NME7: variants seen among roughly 807,000 people sequenced by gnomAD.
The protein encoded by NME7 is NME/NM23 family member 7.
A neutral mutation model predicts 49.1 loss-of-function variants in NME7; 41 were observed. The ratio of observed to expected loss-of-function variants is 0.83; its 90% CI spans 0.65 to 1.08. The LOEUF (loss-of-function observed/expected upper bound fraction) is 1.08. NME7 is among the 50% of genes least tolerant of loss of function. The pLI is 0.00. For synonymous variants in NME7, 139 were observed against 150.6 expected, an observed-to-expected ratio of 0.92 and a Z score of 0.56; for missense variants, 423 against 463.4, an observed-to-expected ratio of 0.91 and a Z score of 0.80.
At chr1:169,168,189 T>C (rs758652276) in intron 11 of NME7, among the ~76,000 whole-genome samples, 2 of 152,180 alleles carry the variant, frequency 1.3e-5, no homozygotes, top group Non-Finnish European at 2.9e-5. Context: ...AGCCATACAC[T>C]TGTCTTTCAA....
intron 6 of NME7, among the ~76,000 whole-genome samples, chr1:169,289,480 A>G (rs1650409819): frequency 6.6e-6 from 1 of 152,128 alleles, no homozygotes; most frequent in Non-Finnish European, 1.5e-5. Flanking sequence ...AGCTTAAGTA[A>G]CAAGCCCTTA....
intron 11 of NME7, among the ~76,000 whole-genome samples, chr1:169,156,704 G>T (rs1380200189): frequency 6.6e-6 from 1 of 152,190 alleles, no homozygotes; most frequent in African/African-American, 2.4e-5. Flanking sequence ...GAAACAGAAA[G>T]ACCTATGAAC....
intron 10 of NME7, among the ~76,000 whole-genome samples, chr1:169,199,016 C>T (rs769931188): frequency 6.6e-6 from 1 of 151,984 alleles, no homozygotes; most frequent in Non-Finnish European, 1.5e-5. Context: ...ACTTGTATTT[C>T]GATTTCATAA....
chr1:169,342,506 CATATATATATAGTAT>C (rs1247593222), intron 1 of NME7, among the ~76,000 whole-genome samples: 1 of 103,638 alleles, frequency 9.6e-6, no homozygotes, highest in African/African-American at 3.2e-5. Context: ...TATACAAGTA[CATATATATATAGTAT>C]ATATATACAA....
intron 4 of NME7, among the ~76,000 whole-genome samples, chr1:169,305,099 C>T (rs1354746597): frequency 3.9e-5 from 6 of 152,190 alleles, no homozygotes; most frequent in Admixed American, 6.6e-5. Context: ...TCCAACATGT[C>T]CCTGATTCCA....
chr1:169,135,629 A>AGTC (rs1337969145), intron 11 of NME7, among the ~76,000 whole-genome samples: 5 of 152,074 alleles, frequency 3.3e-5, no homozygotes, highest in Non-Finnish European at 7.4e-5. Context: ...TGTTATCTGT[A>AGTC]GTCCCCTGGG....
At chr1:169,209,096 A>G (rs1441212396) in intron 10 of NME7, among the ~76,000 whole-genome samples, 4 of 148,774 alleles carry the variant, frequency 2.7e-5, no homozygotes, top group Non-Finnish European at 4.4e-5. Context: ...AAAAATCTAC[A>G]AAATTAAAAT....
intron 10 of NME7, among the ~76,000 whole-genome samples, chr1:169,219,926 A>T (rs1289487108): frequency 2.0e-5 from 3 of 152,242 alleles, no homozygotes; most frequent in Non-Finnish European, 4.4e-5. Context: ...TTATATGATG[A>T]AGAAGCTACA....
At chr1:169,309,505 G>A (rs1651301001) in intron 4 of NME7, among the ~76,000 whole-genome samples, 1 of 152,128 alleles carries the variant, frequency 6.6e-6, no homozygotes. Context: ...AAAAAGGAAA[G>A]CAGCACTGCG....
chr1:169,287,163 C>A, intron 7 of NME7, 140 bp downstream of exon 7: 1 of 676,594 alleles, frequency 1.5e-6, no homozygotes, highest in Non-Finnish European at 2.6e-6. Flanking sequence ...TATATTTTGT[C>A]ACCTTTACTC....
At position 169,355,030 on chromosome 1, in the gene NME7, T is replaced by C. The variant is rs1423415257; in HGVS notation, c.3+12678A>G. On this transcript the variant is annotated intron_variant, in intron 1 of 11. Transcript: ENST00000367811. ...TGTTTATATATAATATAATTATATA[T>C]TATATATTATAGATATAATATATAA... is the stretch of plus-strand genomic sequence containing the variant. Among the ~76,000 whole-genome samples, 38 of 75,782 alleles carry C rather than the reference T, an allele frequency of 5.0e-4. 2 individuals carry two copies. The highest frequency in any genetic ancestry group is 9.5e-4 in the East Asian group (2 of 2,112). The allele number at this position is 75,782 out of a possible 152,430, so 49.7% of individuals were successfully genotyped here.
intron 7 of NME7, among the ~76,000 whole-genome samples, chr1:169,247,327 T>C (rs1648366016): frequency 6.6e-6 from 1 of 152,184 alleles, no homozygotes. Flanking sequence ...TACTGCCAGC[T>C]ATGGATAGAG....
At chr1:169,294,152 A>C (rs1158693652) in intron 6 of NME7, among the ~76,000 whole-genome samples, 1 of 152,164 alleles carries the variant, frequency 6.6e-6, no homozygotes, top group East Asian at 1.9e-4. Context: ...TAAGCACTGA[A>C]ATAATTTCAT....
chr1:169,266,140 A>G (rs562441822), intron 7 of NME7, among the ~76,000 whole-genome samples: 2 of 132,804 alleles, frequency 1.5e-5, no homozygotes, highest in East Asian at 2.0e-4. Flanking sequence ...TGATACCAAA[A>G]TATGACAGAG....
chr1:169,194,638 A>G lies in NME7; in HGVS notation c.991-25084T>C, dbSNP rs373925140. 3.6e-4 allele frequency among the ~76,000 whole-genome samples: 55 copies of G among 152,318 alleles called. No homozygotes were observed. In the East Asian group the frequency reaches 9.9e-3, roughly 27 times the overall value. ...TGGGGCACTCATTCTATTTTACAGA[A>G]TGAGGTGTTGCCCAATTCTAGTATC... On this transcript the variant is annotated intron_variant, in intron 10 of 11. Transcript: ENST00000367811.
At chr1:169,348,354 CAAAAAAAAGCAAAAA>C in intron 1 of NME7, among the ~76,000 whole-genome samples, 2 of 75,498 alleles carry the variant, frequency 2.6e-5, no homozygotes, top group South Asian at 7.4e-4. Context: ...TAACAGATTC[CAAAAAAAAGCAAAAA>C]AAAAAAAAAA....
intron 1 of NME7, among the ~76,000 whole-genome samples, chr1:169,338,794 A>C (rs1017902077): frequency 6.6e-6 from 1 of 152,202 alleles, no homozygotes; most frequent in African/African-American, 2.4e-5. Flanking sequence ...GATCAAAGGA[A>C]CATTAACAAT....
At chr1:169,303,455 C>CT (rs969800387) in intron 4 of NME7, 13,967 of 113,476 alleles carry the variant, frequency 0.12, 995 homozygotes, top group Admixed American at 0.19. Flanking sequence ...CTATCTTCTT[C>CT]TTTTTTTTTT....
chr1:169,287,558 A>C, intron 6 of NME7, 150 bp from the exon 7 acceptor site: 1 of 578,612 alleles, frequency 1.7e-6, no homozygotes, highest in Non-Finnish European at 3.0e-6. Flanking sequence ...GAGTTTTACA[A>C]AGACACACTG....
Sources: gnomAD v4.1 joint callset for allele counts (sites outside exome capture counted in the v4.1 genomes callset) on GRCh38, gnomAD v4.1.1 for gene constraint, MANE v1.5 for transcripts, NCBI Gene and HGNC (gene_info 2026-07-23, HGNC 2026-07-21) for gene names.